Variants in SGCZ observed in about 807,000 individuals in gnomAD.
SGCZ encodes zeta-sarcoglycan.
Under a neutral mutation model 41.3 loss-of-function variants are expected in SGCZ, and 40 were observed. That is an observed-to-expected ratio of 0.97 (90% CI 0.75 to 1.26). The LOEUF (loss-of-function observed/expected upper bound fraction) is 1.26, where lower values mean the gene tolerates loss of function less well. Ranked by LOEUF, SGCZ falls within the 50% of genes most tolerant of loss-of-function variation. The probability of loss-of-function intolerance (pLI) is 0.00; values close to 1 mark genes in which losing one functional copy is unlikely to be tolerated. For missense variants in SGCZ, 552 were observed against 369.8 expected (o/e 1.49, Z -4.04); for synonymous variants, 206 against 137.5 (o/e 1.50, Z -3.49).
At chr8:14,965,805 G>C (rs1247679529) in intron 1 of SGCZ, among the ~76,000 whole-genome samples, 5 of 151,980 alleles carry the variant, frequency 3.3e-5, no homozygotes, top group Admixed American at 3.3e-4. Context: ...ATGCTAGTAA[G>C]TACATATCTT....
At chr8:15,115,175 T>C (rs1051086904) in intron 1 of SGCZ, among the ~76,000 whole-genome samples, 1 of 152,148 alleles carries the variant, frequency 6.6e-6, no homozygotes, top group African/African-American at 2.4e-5. Flanking sequence ...CAGGCACCCT[T>C]CCTCTATCTT....
At chr8:14,555,309 G>T (rs555212815) in intron 1 of SGCZ, among the ~76,000 whole-genome samples, 2 of 152,046 alleles carry the variant, frequency 1.3e-5, no homozygotes, top group African/African-American at 2.4e-5. Flanking sequence ...ATCTTGAATT[G>T]TACTCTCCAA....
At chr8:14,910,185 A>G (rs979687766) in intron 1 of SGCZ, among the ~76,000 whole-genome samples, 1 of 142,504 alleles carries the variant, frequency 7.0e-6, no homozygotes, top group Admixed American at 6.9e-5. Flanking sequence ...AACCAGTAAC[A>G]TATCTTCCAT....
chr8:14,582,471 A>G (rs1804923443), intron 1 of SGCZ, among the ~76,000 whole-genome samples: 1 of 152,154 alleles, frequency 6.6e-6, no homozygotes, highest in African/African-American at 2.4e-5. Flanking sequence ...CTTATAAATC[A>G]GCTAAACTTC....
At chr8:14,743,553 G>A (rs1361503134) in intron 1 of SGCZ, among the ~76,000 whole-genome samples, 1 of 151,716 alleles carries the variant, frequency 6.6e-6, no homozygotes, top group Non-Finnish European at 1.5e-5. Flanking sequence ...TAGAATGGGG[G>A]AAGAATAAAA....
intron 2 of SGCZ, among the ~76,000 whole-genome samples, chr8:14,441,271 T>C (rs571065276): frequency 6.6e-6 from 1 of 152,200 alleles, no homozygotes. Flanking sequence ...AGGTGCTGTC[T>C]CCTTCATTTA....
At chr8:14,908,465 G>A (rs1046777767) in intron 1 of SGCZ, among the ~76,000 whole-genome samples, 2 of 152,076 alleles carry the variant, frequency 1.3e-5, no homozygotes, top group African/African-American at 2.4e-5. Context: ...AAGATTCAGA[G>A]AACTGGCCAG....
intron 2 of SGCZ, among the ~76,000 whole-genome samples, chr8:14,358,012 C>T (rs10098308): frequency 0.026 from 3,987 of 152,160 alleles, 146 homozygotes; most frequent in African/African-American, 0.09. Context: ...ATTAGCAGTC[C>T]CTAAATTGAC....
chr8:14,610,385 C>G (rs1040110630), intron 1 of SGCZ, among the ~76,000 whole-genome samples: 1 of 152,152 alleles, frequency 6.6e-6, no homozygotes, highest in African/African-American at 2.4e-5. Flanking sequence ...TCTGCACAGA[C>G]TTTCTTAGAA....
At chr8:14,152,399 A>T (rs1803737649) in intron 5 of SGCZ, among the ~76,000 whole-genome samples, 1 of 152,204 alleles carries the variant, frequency 6.6e-6, no homozygotes, top group South Asian at 2.1e-4. Flanking sequence ...CAAGGTGACA[A>T]ATACTTGTGG....
Position 14,396,721 on chromosome 8 carries a change from C to T in SGCZ, c.235-72517G>A, listed in dbSNP as rs144758011. Among the ~76,000 whole-genome samples, 7 of 151,984 alleles carry T rather than the reference C, an allele frequency of 4.6e-5. No individual in the cohort carries two copies. In the East Asian group the frequency reaches 1.4e-3, roughly 30 times the overall value. On this transcript the variant is annotated intron_variant, in intron 2 of 7. Transcript: ENST00000382080. ...TTCTGAGAGCAATTTTCATGGTCTA[C>T]TGAGGGCTTATTTTTGAGCTCAGAT...
At chr8:14,861,509 C>G (rs1803745881) in intron 1 of SGCZ, among the ~76,000 whole-genome samples, 1 of 151,978 alleles carries the variant, frequency 6.6e-6, no homozygotes, top group African/African-American at 2.4e-5. Context: ...TATTATGCCT[C>G]TAAAACTGGC....
At chr8:14,121,871 G>GT (rs766854588) in intron 5 of SGCZ, among the ~76,000 whole-genome samples, 1 of 152,092 alleles carries the variant, frequency 6.6e-6, no homozygotes, top group East Asian at 1.9e-4. Context: ...GACTATGTAG[G>GT]TTTTTTAAAA....
At chr8:14,870,371 A>C (rs1427095676) in intron 1 of SGCZ, among the ~76,000 whole-genome samples, 2 of 152,194 alleles carry the variant, frequency 1.3e-5, no homozygotes, top group African/African-American at 4.8e-5. Flanking sequence ...GGTTGGGAAA[A>C]CTGGCTAGCC....
chr8:14,869,165 T>A (rs1804050566), intron 1 of SGCZ, among the ~76,000 whole-genome samples: 1 of 152,138 alleles, frequency 6.6e-6, no homozygotes, highest in African/African-American at 2.4e-5. Flanking sequence ...ATATCCCTGA[T>A]GAACATCAAT....
chr8:14,767,026 T>C (rs1231914034), intron 1 of SGCZ, among the ~76,000 whole-genome samples: 1 of 152,132 alleles, frequency 6.6e-6, no homozygotes, highest in Non-Finnish European at 1.5e-5. Flanking sequence ...GCTTAACAGT[T>C]AGATGTCTAC....
chr8:14,853,335 C>T lies in SGCZ; in HGVS notation c.40-298409G>A. ...AGGTTAAACATGGCACTTTTCATCT[C>T]ACCTGAAGCATGCTGGCCACTCCAG... On this transcript the variant is annotated intron_variant, in intron 1 of 7. Coordinates refer to ENST00000382080, the MANE Select transcript of SGCZ (RefSeq NM_139167.4). The T allele has an allele frequency of 1.3e-5, 5 of 374,816 alleles. No homozygotes were observed. The Admixed American group carries it at 1.3e-4, about 10-fold the overall frequency. The allele number at this position is 374,816 out of a possible 1,614,324, so 23.2% of individuals were successfully genotyped here.
intron 2 of SGCZ, among the ~76,000 whole-genome samples, chr8:14,445,487 T>C (rs1004173264): frequency 2.0e-5 from 3 of 152,042 alleles, no homozygotes; most frequent in Non-Finnish European, 4.4e-5. Flanking sequence ...AAGTGGTGAC[T>C]GGACTTTAAG....
chr8:14,754,140 C>T (rs1025156219), intron 1 of SGCZ, among the ~76,000 whole-genome samples: 12 of 152,186 alleles, frequency 7.9e-5, no homozygotes, highest in Middle Eastern at 3.4e-3. Context: ...TTGATGTTGA[C>T]ATATATTTAG....
Sources: allele counts gnomAD v4.1 joint callset (sites outside exome capture counted in the v4.1 genomes callset), GRCh38; gene constraint gnomAD v4.1.1; transcripts MANE v1.5; gene names NCBI Gene and HGNC (gene_info 2026-07-23, HGNC 2026-07-21).